The following PKP4 variants were observed in gnomAD, a reference collection of about 807,000 sequenced individuals.
PKP4 encodes plakophilin-4.
A neutral mutation model predicts 145.1 loss-of-function variants in PKP4; 90 were observed. The observed-to-expected ratio is 0.62, with a 90% CI of 0.52 to 0.74. PKP4 has a LOEUF of 0.74. Among genes scored for constraint, PKP4 ranks in the 30% least tolerant of loss-of-function variants. PKP4 has a pLI of 0.00. For missense variants in PKP4, 1,340 were observed against 1,482.7 expected, an observed-to-expected ratio of 0.90 and a Z score of 1.58; for synonymous variants, 563 against 577.2, an observed-to-expected ratio of 0.98 and a Z score of 0.35.
intron 1 of PKP4, among the ~76,000 whole-genome samples, chr2:158,484,414 T>G (rs1270768682): frequency 2.0e-5 from 3 of 152,338 alleles, no homozygotes; most frequent in Non-Finnish European, 2.9e-5. Flanking sequence ...CCTTGAGAAC[T>G]GAAGCATTGA....
intron 16 of PKP4, among the ~76,000 whole-genome samples, chr2:158,668,842 G>A (rs549018688): frequency 2.7e-4 from 41 of 152,298 alleles, no homozygotes; most frequent in African/African-American, 9.6e-4. Flanking sequence ...TATAAAAAGC[G>A]ATTGCACATC....
intron 2 of PKP4, among the ~76,000 whole-genome samples, chr2:158,538,123 G>T (rs2044216576): frequency 6.6e-6 from 1 of 152,116 alleles, no homozygotes; most frequent in South Asian, 2.1e-4. Context: ...GCACACCCTT[G>T]GATGCAGAGA....
chr2:158,680,401 T>C, intron 21 of PKP4, 28 bp from the exon 22 acceptor site: 1 of 1,545,472 alleles, frequency 6.5e-7, no homozygotes, highest in Non-Finnish European at 8.7e-7. Context: ...ATTGCTTTTA[T>C]TTATTTGCCT....
In PKP4 at chr2:158,663,014, C is replaced by T. The variant is rs2056749799; in HGVS notation, c.2329C>T (p.Pro777Ser). 6.2e-7 allele frequency: 1 copy of T among 1,613,728 alleles called. No individual in the cohort carries two copies. Among genetic ancestry groups the T allele is most frequent in the Non-Finnish European group, 8.5e-7 (1 of 1,179,914 alleles). The change falls in exon 14 of 22, where the codon CCC becomes TCC. Residue 777 changes from proline (P) to serine (S), a missense_variant. Coordinates refer to ENST00000389759, the MANE Select transcript of PKP4 (RefSeq NM_003628.6). ...GGATGACTTACTAGGAAAAGAGTCT[C>T]CCAGCAAAGACTCTGAGCCAAGTTG... ...ELDDLLGKES[P>S]SKDSEPSCWG... is the part of the protein sequence containing the mutation.
intron 2 of PKP4, among the ~76,000 whole-genome samples, chr2:158,537,125 C>A (rs2044115793): frequency 6.6e-6 from 1 of 152,156 alleles, no homozygotes; most frequent in South Asian, 2.1e-4. Flanking sequence ...GAACCTGTAG[C>A]CACGTTCACA....
At chr2:158,473,580 C>G (rs545536407) in intron 1 of PKP4, among the ~76,000 whole-genome samples, 41 of 152,146 alleles carry the variant, frequency 2.7e-4, no homozygotes, top group African/African-American at 9.6e-4. Flanking sequence ...ACCATATATT[C>G]TCACTTATAA....
At chr2:158,654,176 C>T (rs1224334705) in intron 11 of PKP4, among the ~76,000 whole-genome samples, 1 of 152,162 alleles carries the variant, frequency 6.6e-6, no homozygotes, top group Non-Finnish European at 1.5e-5. Context: ...GAGTTAAATC[C>T]ATACCGAAGG....
chr2:158,578,896 T>C (rs2105786595), intron 3 of PKP4, among the ~76,000 whole-genome samples: 1 of 152,286 alleles, frequency 6.6e-6, no homozygotes, highest in East Asian at 1.9e-4. Context: ...GCCAGAAGCT[T>C]GAGCTACCTC....
chr2:158,604,491 G>C (rs2050487328), intron 4 of PKP4, among the ~76,000 whole-genome samples: 1 of 152,180 alleles, frequency 6.6e-6, no homozygotes, highest in Admixed American at 6.5e-5. Flanking sequence ...AAAAATTAGT[G>C]ACAAGATAGA....
intron 3 of PKP4, chr2:158,578,053 G>T (rs949686618): frequency 3.6e-5 from 6 of 166,286 alleles, no homozygotes; most frequent in Non-Finnish European, 7.3e-5. Context: ...AAAGCCTACT[G>T]TAAAATGCTT....
intron 1 of PKP4, among the ~76,000 whole-genome samples, chr2:158,495,307 G>C (rs183973382): frequency 6.6e-6 from 1 of 150,638 alleles, no homozygotes; most frequent in African/African-American, 2.4e-5. Context: ...GTGGATGAGC[G>C]TTGGCAAGTT....
chr2:158,461,960 G>A (rs969205081), intron 1 of PKP4, among the ~76,000 whole-genome samples: 1 of 152,132 alleles, frequency 6.6e-6, no homozygotes, highest in Non-Finnish European at 1.5e-5. Flanking sequence ...TTTAAAACAG[G>A]TATGGGGTTT....
chr2:158,542,829 A>T (rs2105667850), intron 2 of PKP4, among the ~76,000 whole-genome samples: 1 of 152,282 alleles, frequency 6.6e-6, no homozygotes, highest in East Asian at 1.9e-4. Context: ...TGCTACCACA[A>T]CAGGAAACAA....
intron 3 of PKP4, among the ~76,000 whole-genome samples, chr2:158,594,032 G>A (rs1156794303): frequency 1.3e-5 from 2 of 152,168 alleles, no homozygotes; most frequent in Admixed American, 6.5e-5. Context: ...TTCAGGTAAA[G>A]TGTCACTGAG....
At chr2:158,609,075 C>A (rs946207210) in intron 4 of PKP4, among the ~76,000 whole-genome samples, 8 of 151,920 alleles carry the variant, frequency 5.3e-5, no homozygotes, top group African/African-American at 1.7e-4. Flanking sequence ...ACTCTGCCTC[C>A]CAAAGTGCTG....
intron 4 of PKP4, among the ~76,000 whole-genome samples, chr2:158,613,845 T>C (rs1432897241): frequency 6.6e-6 from 1 of 152,154 alleles, no homozygotes; most frequent in Non-Finnish European, 1.5e-5. Context: ...ATAGTGTATT[T>C]AGAGGAATAA....
chr2:158,565,876 T>C (rs184056885), intron 2 of PKP4, among the ~76,000 whole-genome samples: 1 of 152,126 alleles, frequency 6.6e-6, no homozygotes, highest in East Asian at 1.9e-4. Context: ...TAGAAAGGAG[T>C]GATGATATTA....
intron 4 of PKP4, among the ~76,000 whole-genome samples, chr2:158,619,933 ACACACACACACG>A (rs71961496): frequency 0.46 from 69,562 of 151,588 alleles, 16,876 homozygotes; most frequent in South Asian, 0.66. Context: ...TCCCCCAGAC[ACACACACACACG>A]CACACACACA....
chr2:158,511,706 C>CA (rs2041535533), intron 1 of PKP4, among the ~76,000 whole-genome samples: 1 of 152,112 alleles, frequency 6.6e-6, no homozygotes, highest in African/African-American at 2.4e-5. Flanking sequence ...AATAAATTTT[C>CA]AAAATTAAAC....
Sources: allele counts gnomAD v4.1 joint callset (sites outside exome capture counted in the v4.1 genomes callset), GRCh38; gene constraint gnomAD v4.1.1; transcripts MANE v1.5; gene names NCBI Gene and HGNC (gene_info 2026-07-23, HGNC 2026-07-21).